The following PRDM5 variants were observed in gnomAD, a reference collection of about 807,000 sequenced individuals.
PRDM5 encodes the protein PR domain zinc finger protein 5.
Under a neutral mutation model 81.2 loss-of-function variants are expected in PRDM5, and 56 were observed. That is an observed-to-expected ratio of 0.69 (90% CI 0.56 to 0.86). The LOEUF is 0.86. PRDM5 is among the 40% of genes least tolerant of loss of function. The pLI, the probability that PRDM5 is intolerant of heterozygous loss-of-function variation, is 0.00. For synonymous variants in PRDM5, 267 were observed against 256.4 expected, an observed-to-expected ratio of 1.04 and a Z score of -0.39; for missense variants, 697 against 770.1, an observed-to-expected ratio of 0.91 and a Z score of 1.12.
intron 2 of PRDM5, chr4:120,896,485 C>T (rs890018801): frequency 6.6e-6 from 1 of 152,092 alleles, no homozygotes; most frequent in Non-Finnish European, 1.5e-5. Context: ...AAGTCACTTG[C>T]ACATAGTTGA....
chr4:120,811,916 A>G (rs1462196926), intron 7 of PRDM5, among the ~76,000 whole-genome samples: 1 of 152,058 alleles, frequency 6.6e-6, no homozygotes, highest in African/African-American at 2.4e-5. Flanking sequence ...TAAATATACA[A>G]TAAGTTATGT....
intron 3 of PRDM5, chr4:120,839,141 CTGGGA>C: frequency 1.5e-6 from 1 of 678,148 alleles, no homozygotes; most frequent in Non-Finnish European, 2.7e-6. Flanking sequence ...GCTCCCAGGT[CTGGGA>C]TCCCTGAAAG....
chr4:120,706,249 T>C (rs768044546), intron 15 of PRDM5, among the ~76,000 whole-genome samples: 11 of 152,134 alleles, frequency 7.2e-5, no homozygotes, highest in Non-Finnish European at 1.2e-4. Flanking sequence ...CTTCTTCATA[T>C]ATATGCAAAT....
chr4:120,833,016 C>T (rs1756907696), intron 3 of PRDM5, among the ~76,000 whole-genome samples: 1 of 152,090 alleles, frequency 6.6e-6, no homozygotes, highest in African/African-American at 2.4e-5. Context: ...ATTGAATACC[C>T]ACACACATAA....
chr4:120,835,713 C>T (rs988779234), intron 3 of PRDM5, among the ~76,000 whole-genome samples: 10 of 151,904 alleles, frequency 6.6e-5, no homozygotes, highest in Admixed American at 3.9e-4. Context: ...CTTTTTTTTC[C>T]CAGTCTCTGG....
chr4:120,763,031 T>C (rs1414399862), intron 13 of PRDM5, among the ~76,000 whole-genome samples: 1 of 152,198 alleles, frequency 6.6e-6, no homozygotes, highest in Non-Finnish European at 1.5e-5. Context: ...AATTTTATCA[T>C]CTGATTCAAA....
rs777229856 is a variant in PRDM5 at position 120,816,431 on chromosome 4, C to T, written c.865+22G>A. On this transcript the variant is annotated intron_variant, in intron 7 of 15. Transcript: ENST00000264808. ...TGGGGAAAGGAAGCCCCTTCGGAAA[C>T]GACCCTCCAACGACTCCTCACCAGT... 7 of 1,614,132 alleles carry T rather than the reference C, an allele frequency of 4.3e-6. No homozygotes were observed. The Middle Eastern group carries it at 6.6e-4, about 152-fold the overall frequency.
chr4:120,869,115 T>C (rs1761521130), intron 2 of PRDM5, among the ~76,000 whole-genome samples: 1 of 152,174 alleles, frequency 6.6e-6, no homozygotes, highest in South Asian at 2.1e-4. Flanking sequence ...ACATGATTGT[T>C]AAATCAAAAG....
intron 14 of PRDM5, among the ~76,000 whole-genome samples, chr4:120,711,212 A>G (rs1391893598): frequency 6.6e-6 from 1 of 152,228 alleles, no homozygotes; most frequent in Non-Finnish European, 1.5e-5. Context: ...ACTTTCTAAG[A>G]GGAATTCCTA....
intron 2 of PRDM5, among the ~76,000 whole-genome samples, chr4:120,872,003 T>C (rs1761851920): frequency 6.6e-6 from 1 of 151,398 alleles, no homozygotes; most frequent in South Asian, 2.1e-4. Context: ...ATTCAAAAAT[T>C]AGCCAGGCGT....
intron 14 of PRDM5, among the ~76,000 whole-genome samples, chr4:120,744,966 G>A (rs1337888866): frequency 3.5e-5 from 5 of 143,920 alleles, no homozygotes; most frequent in Non-Finnish European, 7.5e-5. Flanking sequence ...AAGCCAGGCA[G>A]AGACACAACC....
At chr4:120,725,813 C>T (rs1454524715) in intron 14 of PRDM5, among the ~76,000 whole-genome samples, 1 of 152,144 alleles carries the variant, frequency 6.6e-6, no homozygotes, top group Non-Finnish European at 1.5e-5. Context: ...CTGTATGTGT[C>T]AGCCTGTAAA....
intron 3 of PRDM5, among the ~76,000 whole-genome samples, chr4:120,848,965 T>A (rs1758957924): frequency 6.6e-6 from 1 of 152,192 alleles, no homozygotes; most frequent in Admixed American, 6.5e-5. Flanking sequence ...AGCTGTACTT[T>A]ATCATTTTGT....
chr4:120,838,777 T>C (rs893172216), intron 3 of PRDM5: 20 of 160,838 alleles, frequency 1.2e-4, no homozygotes, highest in Admixed American at 1.2e-3. Flanking sequence ...TTTGCCCAAA[T>C]TTTTGCTTCA....
At chr4:120,867,272 ATGT>A (rs1761289517) in intron 2 of PRDM5, among the ~76,000 whole-genome samples, 1 of 152,144 alleles carries the variant, frequency 6.6e-6, no homozygotes, top group Non-Finnish European at 1.5e-5. Context: ...AGAAAAAAAA[ATGT>A]TGTATAGGGA....
intron 2 of PRDM5, among the ~76,000 whole-genome samples, chr4:120,892,890 C>G (rs780912812): frequency 2.0e-5 from 3 of 152,088 alleles, no homozygotes; most frequent in Admixed American, 1.3e-4. Flanking sequence ...CCGAGGACAG[C>G]AGAAGGTTGC....
chr4:120,795,440 A>G (rs1268014790), intron 10 of PRDM5, among the ~76,000 whole-genome samples: 2 of 152,188 alleles, frequency 1.3e-5, no homozygotes, highest in African/African-American at 4.8e-5. Flanking sequence ...AGTATATTTG[A>G]ATTGAGATAA....
intron 1 of PRDM5, among the ~76,000 whole-genome samples, chr4:120,685,756 T>TTTAG (rs1232921326): frequency 2.0e-5 from 3 of 152,142 alleles, no homozygotes; most frequent in Non-Finnish European, 4.4e-5. Context: ...ATTGACATCA[T>TTTAG]TCAGTTAAGT....
At chr4:120,820,737 C>G (rs1158836659) in intron 4 of PRDM5, among the ~76,000 whole-genome samples, 1 of 152,218 alleles carries the variant, frequency 6.6e-6, no homozygotes, top group Non-Finnish European at 1.5e-5. Flanking sequence ...CCAGCAGGCT[C>G]TCTTGTGTAC....
Sources: gnomAD v4.1 joint callset for allele counts (sites outside exome capture counted in the v4.1 genomes callset) on GRCh38, gnomAD v4.1.1 for gene constraint, MANE v1.5 for transcripts, NCBI Gene and HGNC (gene_info 2026-07-23, HGNC 2026-07-21) for gene names.